The following UEVLD variants were observed in gnomAD, a reference collection of about 807,000 sequenced individuals.
UEVLD encodes the protein ubiquitin-conjugating enzyme E2 variant 3.
In UEVLD, 47 loss-of-function variants were observed where a neutral mutation model predicts 58.6. That is an observed-to-expected ratio of 0.80 (90% CI 0.63 to 1.02). The LOEUF (loss-of-function observed/expected upper bound fraction) is 1.02. UEVLD is among the 50% of genes least tolerant of loss of function. The pLI is 0.00. For synonymous variants in UEVLD, 197 were observed against 195.3 expected, an observed-to-expected ratio of 1.01 and a Z score of -0.07; for missense variants, 510 against 550.6, an observed-to-expected ratio of 0.93 and a Z score of 0.74.
At chr11:18,562,073 C>G (rs898233573) in intron 6 of UEVLD, among the ~76,000 whole-genome samples, 1 of 152,136 alleles carries the variant, frequency 6.6e-6, no homozygotes, top group Admixed American at 6.5e-5. Flanking sequence ...AAAATATTAA[C>G]GTCTAAAAAG....
At chr11:18,554,955 G>A (rs1261353237) in intron 7 of UEVLD, among the ~76,000 whole-genome samples, 2 of 152,140 alleles carry the variant, frequency 1.3e-5, no homozygotes, top group Non-Finnish European at 2.9e-5. Flanking sequence ...CCATATCTCA[G>A]AATATATTCA....
Position 18,531,220 on chromosome 11 carries a change from C to G in UEVLD, c.*1100G>C, listed in dbSNP as rs1027445410. ...AGCCAAGACTTCTTGAGGACTAAAC[C>G]TCAATTTCCTTTTATAAAATGATGA... On this transcript the variant is annotated 3_prime_UTR_variant, in exon 12 of 12. Transcript: ENST00000396197. The G allele has an allele frequency of 1.3e-5, 2 of 152,236 alleles. No homozygotes were observed. Among genetic ancestry groups the G allele is most frequent in the East Asian group, 3.9e-4 (2 of 5,182 alleles). The allele number at this position is 152,236 out of a possible 1,614,324, so 9.4% of individuals were successfully genotyped here.
chr11:18,570,335 G>T lies in UEVLD; in HGVS notation c.236C>A (p.Ser79Tyr), dbSNP rs1852535118. ...GCAAATAGGGGGAGCGAAAGGGTGAGAATCCAAAATCCAGAAACGAATTGG... is the reference window on the plus strand; with the variant it reads ...GCAAATAGGGGGAGCGAAAGGGTGATAATCCAAAATCCAGAAACGAATTGG... ...NIPIRFWILD[S>Y]HPFAPPICFL... Residue 79 changes from serine to tyrosine, a missense_variant, in exon 4 of 12, where the codon TCT (serine) becomes TAT (tyrosine). Transcript: ENST00000396197. 6.3e-7 allele frequency: 1 copy of T among 1,576,628 alleles called. No homozygotes were observed. The highest frequency in any genetic ancestry group is 2.1e-5 in the Admixed American group (1 of 47,818).
chr11:18,566,630 A>T, intron 4 of UEVLD, 148 bp from the exon 5 acceptor site: 2 of 761,286 alleles, frequency 2.6e-6, no homozygotes, highest in Non-Finnish European at 4.1e-6. Flanking sequence ...GGGCAACAGA[A>T]TGAGACTTCA....
intron 7 of UEVLD, among the ~76,000 whole-genome samples, chr11:18,552,288 T>C (rs1851561184): frequency 4.6e-5 from 7 of 152,254 alleles, no homozygotes; most frequent in Admixed American, 4.6e-4. Context: ...CTCACGCCTA[T>C]AATCCCAGCA....
chr11:18,574,823 CA>C (rs1403767210), intron 3 of UEVLD, among the ~76,000 whole-genome samples: 1 of 152,098 alleles, frequency 6.6e-6, no homozygotes, highest in East Asian at 1.9e-4. Flanking sequence ...GATTCAGTTT[CA>C]CCTATGGAAT....
intron 6 of UEVLD, among the ~76,000 whole-genome samples, chr11:18,559,598 C>G (rs1229543109): frequency 2.0e-5 from 3 of 152,110 alleles, no homozygotes; most frequent in Admixed American, 2.0e-4. Flanking sequence ...TTGATGTTAT[C>G]ATTTTCATTC....
intron 1 of UEVLD, among the ~76,000 whole-genome samples, chr11:18,581,625 A>C (rs574815874): frequency 6.6e-6 from 1 of 152,088 alleles, no homozygotes; most frequent in Non-Finnish European, 1.5e-5. Context: ...CAGAGGTTGC[A>C]ACGAGCTGGG....
intron 3 of UEVLD, among the ~76,000 whole-genome samples, chr11:18,574,134 T>C (rs1285017052): frequency 6.6e-6 from 1 of 152,222 alleles, no homozygotes; most frequent in East Asian, 1.9e-4. Flanking sequence ...ATTATTTGCA[T>C]TTCAAAAGAA....
At chr11:18,559,757 G>A (rs1277156608) in intron 6 of UEVLD, among the ~76,000 whole-genome samples, 8 of 152,066 alleles carry the variant, frequency 5.3e-5, no homozygotes, top group Admixed American at 5.2e-4. Flanking sequence ...GAGATCTCAT[G>A]GAAAATACTC....
intron 3 of UEVLD, among the ~76,000 whole-genome samples, chr11:18,570,984 A>G (rs1311772166): frequency 6.6e-6 from 1 of 152,088 alleles, no homozygotes; most frequent in Non-Finnish European, 1.5e-5. Flanking sequence ...TTACTAATAT[A>G]GCCAGAGTGG....
At chr11:18,571,377 T>C (rs1852602609) in intron 3 of UEVLD, among the ~76,000 whole-genome samples, 1 of 152,010 alleles carries the variant, frequency 6.6e-6, no homozygotes, top group Non-Finnish European at 1.5e-5. Context: ...AAATGTCTAT[T>C]GAAGGTATTC....
At chr11:18,537,160 A>G (rs1380495500) in intron 9 of UEVLD, among the ~76,000 whole-genome samples, 3 of 151,050 alleles carry the variant, frequency 2.0e-5, no homozygotes, top group Non-Finnish European at 4.4e-5. Context: ...CGGCCTCCCA[A>G]AGTGCTAGGA....
Position 18,570,368 on chromosome 11 carries a change from T to G in UEVLD, c.203A>C (p.Tyr68Ser), listed in dbSNP as rs752903854. The stretch of plus-strand genomic sequence containing the variant: ...AATCCAGAAACGAATTGGTATGTTA[T>G]ATGTATTACCTATTTGAGACAAAAG... ...TIPVMYQGNT[Y>S]NIPIRFWILD... is the part of the protein sequence containing the mutation. Residue 68 changes from tyrosine (Y) to serine (S), a missense_variant, in exon 4 of 12, where the codon TAT (tyrosine) becomes TCT (serine). Transcript: ENST00000396197. 1.9e-6 allele frequency: 3 copies of G among 1,553,170 alleles called. No homozygotes were observed. Among genetic ancestry groups the G allele is most frequent in the Non-Finnish European group, 2.6e-6 (3 of 1,158,236 alleles).
chr11:18,575,602 A>C (rs1184840809), intron 2 of UEVLD, among the ~76,000 whole-genome samples, 190 bp from the exon 3 acceptor site: 2 of 152,178 alleles, frequency 1.3e-5, no homozygotes, highest in Non-Finnish European at 2.9e-5. Flanking sequence ...TTTACTTAGA[A>C]AGCAGTAAGG....
chr11:18,568,377 A>AGTTTT (rs1212820206), intron 4 of UEVLD, among the ~76,000 whole-genome samples: 1 of 152,240 alleles, frequency 6.6e-6, no homozygotes, highest in Non-Finnish European at 1.5e-5. Context: ...ACTCGAGGAT[A>AGTTTT]GTTTTGTTTT....
intron 2 of UEVLD, among the ~76,000 whole-genome samples, chr11:18,575,682 A>C (rs1307589859): frequency 6.6e-6 from 1 of 152,216 alleles, no homozygotes; most frequent in Non-Finnish European, 1.5e-5. Context: ...CACTTAGAGG[A>C]ATGTGACTTT....
At position 18,542,998 on chromosome 11, in the gene UEVLD, T is replaced by A. The variant is rs183499076; in HGVS notation, c.1060+1625A>T. On this transcript the variant is annotated intron_variant, in intron 9 of 11. Coordinates refer to ENST00000396197, the MANE Select transcript of UEVLD (RefSeq NM_001040697.4). ...GCCTCCGCCTCCTGGGTTCAAGCAG[T>A]TCTCCTGCCTCAGCCTCCTGAGTAG... Among the ~76,000 whole-genome samples, 733 of 150,842 alleles carry A rather than the reference T, an allele frequency of 4.9e-3. 6 individuals carry two copies. The highest frequency in any genetic ancestry group is 0.017 in the African/African-American group (709 of 41,258).
At chr11:18,546,755 T>G (rs1176820287) in intron 8 of UEVLD, 125 bp downstream of exon 8, 20 of 1,029,406 alleles carry the variant, frequency 1.9e-5, no homozygotes, top group Non-Finnish European at 2.5e-5. Flanking sequence ...CGCCTCAGAC[T>G]CCCAGTGTTG....
Sources: gnomAD v4.1 joint callset for allele counts (sites outside exome capture counted in the v4.1 genomes callset) on GRCh38, gnomAD v4.1.1 for gene constraint, MANE v1.5 for transcripts, NCBI Gene and HGNC (gene_info 2026-07-23, HGNC 2026-07-21) for gene names.